PAPPA2: variants seen among roughly 807,000 people sequenced by gnomAD.
PAPPA2 encodes pappalysin-2.
PAPPA2 carries 86 observed loss-of-function variants against 176.4 expected under a neutral mutation model. The ratio of observed to expected loss-of-function variants is 0.49; its 90% CI spans 0.41 to 0.58. The LOEUF (loss-of-function observed/expected upper bound fraction) is 0.58. Ranked by LOEUF, PAPPA2 falls within the 20% of genes least tolerant of loss-of-function variation. PAPPA2 has a pLI of 0.00. For synonymous variants in PAPPA2, 809 were observed against 852.2 expected, an observed-to-expected ratio of 0.95 and a Z score of 0.88; for missense variants, 2,073 against 2,256.9, an observed-to-expected ratio of 0.92 and a Z score of 1.65.
intron 3 of PAPPA2, among the ~76,000 whole-genome samples, chr1:176,608,359 C>A (rs1197491749): frequency 6.6e-6 from 1 of 152,154 alleles, no homozygotes; most frequent in African/African-American, 2.4e-5. Flanking sequence ...TGAGTTAAAT[C>A]TATGCTGTGT....
intron 2 of PAPPA2, among the ~76,000 whole-genome samples, chr1:176,560,134 G>A (rs181885699): frequency 2.0e-5 from 3 of 152,178 alleles, no homozygotes; most frequent in Non-Finnish European, 2.9e-5. Flanking sequence ...AATGTTGTTC[G>A]TTGGCATCCC....
intron 3 of PAPPA2, among the ~76,000 whole-genome samples, chr1:176,599,621 A>G (rs2102658118): frequency 6.6e-6 from 1 of 151,322 alleles, no homozygotes; most frequent in African/African-American, 2.4e-5. Context: ...TATTTTTAAT[A>G]TAATCTTAAA....
At chr1:176,517,195 T>A (rs1238232411) in intron 1 of PAPPA2, among the ~76,000 whole-genome samples, 1 of 152,184 alleles carries the variant, frequency 6.6e-6, no homozygotes, top group Non-Finnish European at 1.5e-5. Flanking sequence ...CCCTTTCTTT[T>A]CCTGCCTGCC....
chr1:176,484,057 A>G (rs1190843108), intron 1 of PAPPA2, among the ~76,000 whole-genome samples: 1 of 152,194 alleles, frequency 6.6e-6, no homozygotes, highest in Non-Finnish European at 1.5e-5. Flanking sequence ...CACATCCACT[A>G]CTACCTCCCT....
intron 3 of PAPPA2, among the ~76,000 whole-genome samples, chr1:176,597,486 A>G (rs534454916): frequency 6.6e-6 from 1 of 152,258 alleles, no homozygotes; most frequent in Admixed American, 6.5e-5. Flanking sequence ...TGGAACAATG[A>G]GAACACATGG....
At chr1:176,807,919 A>G (rs1029426684) in intron 21 of PAPPA2, among the ~76,000 whole-genome samples, 1 of 152,324 alleles carries the variant, frequency 6.6e-6, no homozygotes, top group African/African-American at 2.4e-5. Context: ...AATGAGTCCT[A>G]TAAGATAAAG....
At chr1:176,674,030 T>C (rs565042594) in intron 4 of PAPPA2, among the ~76,000 whole-genome samples, 2 of 152,188 alleles carry the variant, frequency 1.3e-5, no homozygotes, top group South Asian at 4.2e-4. Flanking sequence ...TTTTAAGATA[T>C]TTGTTATTTA....
At chr1:176,675,481 A>G (rs890599815) in intron 4 of PAPPA2, among the ~76,000 whole-genome samples, 14 of 152,112 alleles carry the variant, frequency 9.2e-5, no homozygotes, top group African/African-American at 3.4e-4. Flanking sequence ...AAATTTTAGA[A>G]CTAAAAATAG....
At chr1:176,648,040 TAAC>T (rs888224601) in intron 3 of PAPPA2, among the ~76,000 whole-genome samples, 13 of 151,426 alleles carry the variant, frequency 8.6e-5, no homozygotes, top group African/African-American at 2.9e-4. Flanking sequence ...CTAGTCATTT[TAAC>T]AACATTAATT....
chr1:176,525,955 A>C (rs997506065), intron 1 of PAPPA2, among the ~76,000 whole-genome samples: 1 of 152,162 alleles, frequency 6.6e-6, no homozygotes, highest in African/African-American at 2.4e-5. Context: ...GTGGGCTGCT[A>C]GGATCTGTAT....
At chr1:176,812,845 A>G (rs1201361152) in intron 21 of PAPPA2, among the ~76,000 whole-genome samples, 2 of 152,072 alleles carry the variant, frequency 1.3e-5, no homozygotes. Context: ...ACATAGGTGA[A>G]CATGTGCCAT....
intron 17 of PAPPA2, among the ~76,000 whole-genome samples, chr1:176,772,537 T>C (rs1010194833): frequency 5.9e-5 from 9 of 152,046 alleles, no homozygotes; most frequent in Non-Finnish European, 1.2e-4. Flanking sequence ...CCTTCCACTC[T>C]AGAAAAGGCC....
intron 3 of PAPPA2, among the ~76,000 whole-genome samples, chr1:176,600,352 C>T (rs1654237494): frequency 6.6e-6 from 1 of 152,148 alleles, no homozygotes; most frequent in Admixed American, 6.5e-5. Flanking sequence ...ACTAGATTAG[C>T]TTTGTAGAGC....
chr1:176,802,494 G>A (rs1414101362), intron 21 of PAPPA2, among the ~76,000 whole-genome samples: 1 of 152,152 alleles, frequency 6.6e-6, no homozygotes, highest in Non-Finnish European at 1.5e-5. Context: ...GAGTGTCAGG[G>A]ACAGATGGAG....
At chr1:176,688,592 A>C (rs1473181111) in intron 4 of PAPPA2, among the ~76,000 whole-genome samples, 2 of 152,250 alleles carry the variant, frequency 1.3e-5, no homozygotes. Flanking sequence ...TAACAATTTT[A>C]CCATAAGTAG....
In PAPPA2 at chr1:176,556,726, T is replaced by C. The variant is rs1350935042; in HGVS notation, c.404T>C (p.Ile135Thr). Residue 135 changes from isoleucine to threonine, a missense_variant, in exon 2 of 23, where the codon ATT becomes ACT. Physicochemically the swap from Ile to Thr is moderately conservative, Grantham distance 89 (BLOSUM62 -1). Coordinates refer to ENST00000367662, the MANE Select transcript of PAPPA2 (RefSeq NM_020318.3). ...PAAPWVGDSP[I>T]GQSELLGDDD... The stretch of plus-strand genomic sequence containing the variant: ...GCCCCATGGGTAGGGGATAGTCCTA[T>C]TGGGCAATCTGAGCTGCTGGGAGAT... The C allele has an allele frequency of 3.7e-6, 6 of 1,614,010 alleles. No homozygotes were observed. The highest frequency in any genetic ancestry group is 4.2e-6 in the Non-Finnish European group (5 of 1,179,936).
chr1:176,675,549 T>C (rs1218773281), intron 4 of PAPPA2, among the ~76,000 whole-genome samples: 1 of 151,976 alleles, frequency 6.6e-6, no homozygotes, highest in Non-Finnish European at 1.5e-5. Flanking sequence ...AAGAAAGAAT[T>C]TAAGAACTAG....
At chr1:176,680,927 T>A (rs1659556907) in intron 4 of PAPPA2, among the ~76,000 whole-genome samples, 1 of 152,090 alleles carries the variant, frequency 6.6e-6, no homozygotes, top group South Asian at 2.1e-4. Flanking sequence ...AATAAGGAGA[T>A]GGGGAAAAGA....
chr1:176,601,375 C>T (rs773181384), intron 3 of PAPPA2, among the ~76,000 whole-genome samples: 10 of 152,156 alleles, frequency 6.6e-5, no homozygotes, highest in East Asian at 1.9e-4. Flanking sequence ...ATTCCTACCA[C>T]CCCCAGCAAG....
Sources: allele counts gnomAD v4.1 joint callset (sites outside exome capture counted in the v4.1 genomes callset), GRCh38; gene constraint gnomAD v4.1.1; transcripts MANE v1.5; gene names NCBI Gene and HGNC (gene_info 2026-07-23, HGNC 2026-07-21).